Variants in KCNT2 observed in about 807,000 individuals in gnomAD.
KCNT2 encodes potassium channel subfamily T member 2.
In KCNT2, 67 loss-of-function variants were observed where a neutral mutation model predicts 153.8. The observed-to-expected ratio is 0.44, with a 90% confidence interval of 0.36 to 0.53. KCNT2 has a LOEUF of 0.53. Ranked by LOEUF, KCNT2 falls within the 20% of genes least tolerant of loss-of-function variation. The probability of loss-of-function intolerance (pLI) is 0.00; values close to 1 mark genes in which losing one functional copy is unlikely to be tolerated. For synonymous variants in KCNT2, 500 were observed against 458.8 expected, an observed-to-expected ratio of 1.09 and a Z score of -1.15; for missense variants, 975 against 1,354.8, an observed-to-expected ratio of 0.72 and a Z score of 4.40.
intron 12 of KCNT2, among the ~76,000 whole-genome samples, chr1:196,405,197 A>AT (rs1671731203): frequency 6.6e-6 from 1 of 151,370 alleles, no homozygotes; most frequent in African/African-American, 2.4e-5. Flanking sequence ...AGATTGATTG[A>AT]TTTTTTAAAA....
chr1:196,257,990 G>A (rs1558073321), intron 26 of KCNT2: 1 of 1,383,110 alleles, frequency 7.2e-7, no homozygotes, highest in Non-Finnish European at 9.4e-7. Flanking sequence ...GTACCTAGCA[G>A]ACTCAGCAAA....
chr1:196,471,951 T>A (rs568152026), intron 5 of KCNT2, among the ~76,000 whole-genome samples: 1 of 152,308 alleles, frequency 6.6e-6, no homozygotes, highest in South Asian at 2.1e-4. Flanking sequence ...GGCTTGTAAT[T>A]TTGATATTTC....
chr1:196,472,975 T>C (rs533815553), intron 5 of KCNT2, among the ~76,000 whole-genome samples: 53 of 152,314 alleles, frequency 3.5e-4, no homozygotes, highest in African/African-American at 1.2e-3. Context: ...GACAAAAATG[T>C]GATTATATCA....
chr1:196,283,323 C>T (rs1159044039), intron 23 of KCNT2, among the ~76,000 whole-genome samples: 3 of 152,018 alleles, frequency 2.0e-5, no homozygotes, highest in Non-Finnish European at 4.4e-5. Flanking sequence ...CACCTGTAGT[C>T]CCAGCTACTT....
At chr1:196,246,434 C>A (rs1655452517) in intron 26 of KCNT2, among the ~76,000 whole-genome samples, 1 of 151,978 alleles carries the variant, frequency 6.6e-6, no homozygotes, top group Non-Finnish European at 1.5e-5. Flanking sequence ...TCTGAAGGTA[C>A]AAAACTCATT....
rs528124929 is a variant in KCNT2, at chr1:196,456,630, G to A, written c.638+8663C>T. Among the ~76,000 whole-genome samples, 52 of 150,796 alleles carry A rather than the reference G, an allele frequency of 3.4e-4. No homozygotes were observed. In the South Asian group the frequency reaches 0.011, roughly 31 times the overall value. ...GGTTATTTGTTAATAGGGGAGTAAA[G>A]TAATAGATGCAATTAAATTGTGCAT... On this transcript the variant is annotated intron_variant, in intron 8 of 27. Coordinates refer to ENST00000294725, the MANE Select transcript of KCNT2 (RefSeq NM_198503.5).
chr1:196,523,422 C>T (rs1653756649), intron 1 of KCNT2, among the ~76,000 whole-genome samples: 1 of 152,190 alleles, frequency 6.6e-6, no homozygotes, highest in African/African-American at 2.4e-5. Context: ...AATTTAAAGC[C>T]TCTCAAAAAT....
At chr1:196,390,941 A>C (rs1472737807) in intron 13 of KCNT2, among the ~76,000 whole-genome samples, 2 of 148,078 alleles carry the variant, frequency 1.4e-5, no homozygotes, top group Non-Finnish European at 3.0e-5. Context: ...ACTCTTTTCA[A>C]ACCAAAACCA....
chr1:196,284,025 G>A (rs1659385484), intron 23 of KCNT2, among the ~76,000 whole-genome samples: 1 of 150,542 alleles, frequency 6.6e-6, no homozygotes, highest in Non-Finnish European at 1.5e-5. Flanking sequence ...GAGGTCAGGG[G>A]TTCGAGACCA....
At chr1:196,578,646 C>T (rs142328759) in intron 1 of KCNT2, among the ~76,000 whole-genome samples, 8 of 152,186 alleles carry the variant, frequency 5.3e-5, no homozygotes, top group African/African-American at 1.7e-4. Context: ...TACAATTAAG[C>T]CTCTAGAAGA....
chr1:196,496,416 C>T (rs1470025020), intron 1 of KCNT2, among the ~76,000 whole-genome samples: 1 of 149,358 alleles, frequency 6.7e-6, no homozygotes, highest in Non-Finnish European at 1.5e-5. Context: ...TGCAGTGAGC[C>T]GAGATCGTGC....
chr1:196,485,844 C>T (rs546966595), intron 3 of KCNT2, among the ~76,000 whole-genome samples: 4 of 151,726 alleles, frequency 2.6e-5, no homozygotes, highest in Admixed American at 6.6e-5. Context: ...TCTGCACATT[C>T]GTAGATAACC....
intron 26 of KCNT2, among the ~76,000 whole-genome samples, chr1:196,240,894 G>A (rs1278101586): frequency 6.6e-6 from 1 of 151,942 alleles, no homozygotes; most frequent in Non-Finnish European, 1.5e-5. Context: ...AACTTTGTGT[G>A]GGACAAGTTT....
chr1:196,417,479 C>G (rs374809372), intron 12 of KCNT2, among the ~76,000 whole-genome samples: 2 of 152,110 alleles, frequency 1.3e-5, no homozygotes, highest in Non-Finnish European at 1.5e-5. Flanking sequence ...TATTTCCACT[C>G]CGCAGAGGCA....
intron 5 of KCNT2, 76 bp from the exon 6 acceptor site, chr1:196,469,144 G>A: frequency 1.3e-6 from 1 of 792,482 alleles, no homozygotes; most frequent in Non-Finnish European, 2.2e-6. Flanking sequence ...ACAGCACTTA[G>A]AATTTCTCTA....
chr1:196,596,024 C>A (rs1487625063), intron 1 of KCNT2, among the ~76,000 whole-genome samples: 8 of 145,354 alleles, frequency 5.5e-5, no homozygotes, highest in African/African-American at 2.2e-4. Flanking sequence ...TTATTTTGTT[C>A]CTTGTTATGG....
At chr1:196,316,448 A>T (rs1173651910) in intron 20 of KCNT2, among the ~76,000 whole-genome samples, 1 of 151,702 alleles carries the variant, frequency 6.6e-6, no homozygotes, top group Non-Finnish European at 1.5e-5. Flanking sequence ...AATAAGTGCT[A>T]TGTTAATTTA....
intron 1 of KCNT2, among the ~76,000 whole-genome samples, chr1:196,530,978 C>T (rs1283401127): frequency 3.3e-5 from 5 of 152,110 alleles, no homozygotes; most frequent in Admixed American, 2.0e-4. Context: ...TGTTAGTTTC[C>T]GATAAAACTT....
At chr1:196,249,011 AAATC>A (rs1169818418) in intron 26 of KCNT2, among the ~76,000 whole-genome samples, 4 of 152,310 alleles carry the variant, frequency 2.6e-5, no homozygotes, top group East Asian at 1.9e-4. Flanking sequence ...CAACATGTGC[AAATC>A]AATCAATCTT....
Sources: gnomAD v4.1 joint callset for allele counts (sites outside exome capture counted in the v4.1 genomes callset) on GRCh38, gnomAD v4.1.1 for gene constraint, MANE v1.5 for transcripts, NCBI Gene and HGNC (gene_info 2026-07-23, HGNC 2026-07-21) for gene names.